LIN7A: variants seen among roughly 807,000 people sequenced by gnomAD.
LIN7A encodes protein lin-7 homolog A.
LIN7A carries 25 observed loss-of-function variants against 29.8 expected under a neutral mutation model. The observed-to-expected ratio is 0.84, with a 90% CI of 0.61 to 1.17. The LOEUF (loss-of-function observed/expected upper bound fraction) is 1.17. Ranked by LOEUF, LIN7A falls within the 50% of genes most tolerant of loss-of-function variation. The pLI is 0.00. For synonymous variants in LIN7A, 118 were observed against 107.5 expected (o/e 1.10, Z -0.60); for missense variants, 239 against 287.0 (o/e 0.83, Z 1.21).
intron 4 of LIN7A, among the ~76,000 whole-genome samples, chr12:80,836,108 A>C (rs1456940313): frequency 3.9e-5 from 6 of 152,228 alleles, no homozygotes; most frequent in Non-Finnish European, 7.3e-5. Context: ...TCAGATTCCT[A>C]ATGCACTTAG....
chr12:80,818,811 G>A lies in LIN7A; in HGVS notation c.484-7128C>T, dbSNP rs531308066. ...GGACACACTACTCTAAACCCAAATA[G>A]AACTAACCAAAATAGTAAAAGTCAT... On this transcript the variant is annotated intron_variant, in intron 4 of 5. Transcript: ENST00000552864. Among the ~76,000 whole-genome samples the A allele has an allele frequency of 2.0e-5, 3 of 152,272 alleles. No homozygotes were observed. In the South Asian group the frequency reaches 6.2e-4, roughly 32 times the overall value.
At chr12:80,876,170 A>G (rs1874692329) in intron 2 of LIN7A, among the ~76,000 whole-genome samples, 1 of 152,094 alleles carries the variant, frequency 6.6e-6, no homozygotes, top group Non-Finnish European at 1.5e-5. Flanking sequence ...AAAAGCTGGG[A>G]ACACAAGTAG....
chr12:80,918,093 G>A (rs1265590434), intron 1 of LIN7A, among the ~76,000 whole-genome samples: 1 of 151,586 alleles, frequency 6.6e-6, no homozygotes, highest in African/African-American at 2.4e-5. Flanking sequence ...TGTCATCCAG[G>A]CTGAAGTGCA....
At chr12:80,896,202 G>A (rs1420898686) in intron 1 of LIN7A, among the ~76,000 whole-genome samples, 2 of 152,186 alleles carry the variant, frequency 1.3e-5, no homozygotes, top group African/African-American at 4.8e-5. Context: ...CATCCAGACA[G>A]GAGGACAGAA....
intron 2 of LIN7A, 61 bp downstream of exon 2, chr12:80,889,190 A>G (rs1359773886): frequency 1.1e-6 from 1 of 883,758 alleles, no homozygotes; most frequent in East Asian, 2.4e-5. Flanking sequence ...TGTAGAGAAG[A>G]CATGTTTTCT....
chr12:80,897,540 C>T (rs1192654163), intron 1 of LIN7A, among the ~76,000 whole-genome samples: 1 of 152,118 alleles, frequency 6.6e-6, no homozygotes, highest in Non-Finnish European at 1.5e-5. Flanking sequence ...GGGCCGGATG[C>T]GTAATCCTGT....
chr12:80,912,007 T>C (rs1876772217), intron 1 of LIN7A, among the ~76,000 whole-genome samples: 1 of 64,930 alleles, frequency 1.5e-5, no homozygotes, highest in Non-Finnish European at 6.5e-5. Context: ...AACATATTTA[T>C]TTCTCTATTA....
chr12:80,835,280 G>A (rs1178971482), intron 4 of LIN7A, among the ~76,000 whole-genome samples: 1 of 152,086 alleles, frequency 6.6e-6, no homozygotes, highest in Non-Finnish European at 1.5e-5. Context: ...GTGTAATTGT[G>A]GAAGCATAAG....
intron 2 of LIN7A, among the ~76,000 whole-genome samples, chr12:80,863,573 G>A (rs895906909): frequency 1.1e-4 from 17 of 152,126 alleles, no homozygotes; most frequent in Non-Finnish European, 2.5e-4. Flanking sequence ...ATGTCCTAAT[G>A]ACCATAATGG....
At chr12:80,896,238 G>A (rs1051850383) in intron 1 of LIN7A, among the ~76,000 whole-genome samples, 2 of 152,310 alleles carry the variant, frequency 1.3e-5, no homozygotes, top group Admixed American at 6.5e-5. Flanking sequence ...AAGTGAGGGA[G>A]TAAGCCTACA....
rs1489615846 is a variant in LIN7A at position 80,845,470 on chromosome 12, G to A, written c.483+260C>T. 1.1e-5 allele frequency: 4 copies of A among 369,722 alleles called. No homozygotes were observed. In the Admixed American group the frequency reaches 1.4e-4, roughly 13 times the overall value. The allele number at this position is 369,722 out of a possible 1,614,324, so 22.9% of individuals were successfully genotyped here. On this transcript the variant is annotated intron_variant, in intron 4 of 5. Transcript: ENST00000552864. ...GTAAATGTTACTTGGAGTATTATGGGAAGAAAGTCAGCTAGTTGGATTAAT... is the reference window on the plus strand; with the variant it reads ...GTAAATGTTACTTGGAGTATTATGGAAAGAAAGTCAGCTAGTTGGATTAAT...
intron 2 of LIN7A, among the ~76,000 whole-genome samples, chr12:80,854,559 A>G (rs1873503961): frequency 6.6e-6 from 1 of 151,812 alleles, no homozygotes; most frequent in South Asian, 2.1e-4. Flanking sequence ...ACAAAACAAT[A>G]CGGATAGAAA....
chr12:80,935,206 C>T (rs1878142110), intron 1 of LIN7A, among the ~76,000 whole-genome samples: 1 of 152,160 alleles, frequency 6.6e-6, no homozygotes, highest in Admixed American at 6.5e-5. Context: ...TCTCTTCCCT[C>T]ACGGAGTTCT....
intron 1 of LIN7A, among the ~76,000 whole-genome samples, chr12:80,897,117 C>T (rs1875944545): frequency 6.6e-6 from 1 of 151,716 alleles, no homozygotes; most frequent in Non-Finnish European, 1.5e-5. Context: ...CTTTCCTAAA[C>T]AGCTAAAACT....
chr12:80,923,464 A>G (rs1877421544), intron 1 of LIN7A, among the ~76,000 whole-genome samples: 1 of 152,216 alleles, frequency 6.6e-6, no homozygotes, highest in South Asian at 2.1e-4. Flanking sequence ...TGTACTAAGA[A>G]ATTAATAACC....
chr12:80,823,070 C>T (rs1871889983), intron 4 of LIN7A, among the ~76,000 whole-genome samples: 1 of 152,200 alleles, frequency 6.6e-6, no homozygotes, highest in Non-Finnish European at 1.5e-5. Flanking sequence ...AGGAGCTACC[C>T]ACTGTGGGTC....
rs1870345089 is a variant in LIN7A, at chr12:80,794,263, C to A, written c.*3464G>T. The A allele has an allele frequency of 6.6e-6, 1 of 152,054 alleles. No homozygotes were observed. The allele number at this position is 152,054 out of a possible 1,614,324, so 9.4% of individuals were successfully genotyped here. On this transcript the variant is annotated 3_prime_UTR_variant, in exon 6 of 6. Coordinates refer to ENST00000552864, the MANE Select transcript of LIN7A (RefSeq NM_004664.4). ...AGGCAGTGGTCAAGGCAGTCACAGC[C>A]CTTTCTCTATAGTTTTCCAGCTAGA... is the stretch of plus-strand genomic sequence containing the variant.
chr12:80,809,088 C>A (rs965946844), intron 5 of LIN7A, among the ~76,000 whole-genome samples: 16 of 151,492 alleles, frequency 1.1e-4, no homozygotes, highest in South Asian at 4.2e-4. Context: ...TGGGTTCAAG[C>A]AATTCTCCTG....
intron 4 of LIN7A, among the ~76,000 whole-genome samples, chr12:80,830,345 G>A (rs1219342453): frequency 1.3e-5 from 2 of 152,112 alleles, no homozygotes; most frequent in Non-Finnish European, 2.9e-5. Context: ...GAAAACTAAG[G>A]TTCAGATAAG....
Sources: allele counts gnomAD v4.1 joint callset (sites outside exome capture counted in the v4.1 genomes callset), GRCh38; gene constraint gnomAD v4.1.1; transcripts MANE v1.5; gene names NCBI Gene and HGNC (gene_info 2026-07-23, HGNC 2026-07-21).